The following LRRC20 variants were observed in gnomAD, a reference collection of about 807,000 sequenced individuals.
LRRC20 encodes leucine rich repeat containing 20, also known as leucine-rich repeat-containing protein 20.
In LRRC20, 11 loss-of-function variants were observed where a neutral mutation model predicts 14.4. That is an observed-to-expected ratio of 0.77 (90% CI 0.48 to 1.27). The LOEUF is 1.27. Among genes scored for constraint, LRRC20 ranks in the 50% most tolerant of loss-of-function variants. The pLI, the probability that LRRC20 is intolerant of heterozygous loss-of-function variation, is 0.00. For missense variants in LRRC20, 219 were observed against 251.2 expected, an observed-to-expected ratio of 0.87 and a Z score of 0.87; for synonymous variants, 121 against 107.3, an observed-to-expected ratio of 1.13 and a Z score of -0.79.
chr10:70,326,375 C>T (rs554906336), intron 3 of LRRC20, among the ~76,000 whole-genome samples: 1 of 152,146 alleles, frequency 6.6e-6, no homozygotes, highest in African/African-American at 2.4e-5. Flanking sequence ...TGCCCTGCTC[C>T]AGCACACTGG....
chr10:70,319,637 C>T (rs1240053851), intron 4 of LRRC20, among the ~76,000 whole-genome samples: 1 of 152,204 alleles, frequency 6.6e-6, no homozygotes, highest in Non-Finnish European at 1.5e-5. Flanking sequence ...CTGTAAGCAA[C>T]TTGAGGTTGA....
intron 4 of LRRC20, among the ~76,000 whole-genome samples, chr10:70,313,335 A>C (rs147445794): frequency 6.6e-6 from 1 of 152,270 alleles, no homozygotes; most frequent in Non-Finnish European, 1.5e-5. Flanking sequence ...GAGCCTCAGG[A>C]AAGAATGACA....
intron 2 of LRRC20, among the ~76,000 whole-genome samples, chr10:70,359,958 C>G (rs567803503): frequency 2.0e-5 from 3 of 150,902 alleles, no homozygotes; most frequent in African/African-American, 7.3e-5. Context: ...CCTCTGTTGC[C>G]CAGGCTGGAG....
intron 2 of LRRC20, among the ~76,000 whole-genome samples, chr10:70,361,906 G>T (rs1019927889): frequency 2.0e-5 from 3 of 152,212 alleles, no homozygotes; most frequent in Non-Finnish European, 4.4e-5. Context: ...TTAAATTCAG[G>T]CCGGGCATGG....
At chr10:70,338,929 G>A (rs181997370) in intron 3 of LRRC20, among the ~76,000 whole-genome samples, 27 of 152,324 alleles carry the variant, frequency 1.8e-4, no homozygotes, top group Admixed American at 1.8e-3. Context: ...CCAAAGTGCT[G>A]GGATTACAGG....
intron 2 of LRRC20, among the ~76,000 whole-genome samples, chr10:70,367,815 T>A (rs919335859): frequency 1.3e-5 from 2 of 151,532 alleles, no homozygotes; most frequent in Admixed American, 6.6e-5. Flanking sequence ...AGGGTAAATT[T>A]TATATATATA....
At chr10:70,304,468 C>CTT (rs1228824221) in intron 4 of LRRC20, among the ~76,000 whole-genome samples, 2 of 52,992 alleles carry the variant, frequency 3.8e-5, no homozygotes, top group South Asian at 1.6e-3. Context: ...CAGGCCACTT[C>CTT]TTTATATATA....
At chr10:70,347,818 C>CA (rs35277085) in intron 2 of LRRC20, among the ~76,000 whole-genome samples, 61,593 of 127,556 alleles carry the variant, frequency 0.48, 15,360 homozygotes, top group Admixed American at 0.59. Flanking sequence ...GACTCCGTCT[C>CA]AAAAAAAAAA....
intron 2 of LRRC20, among the ~76,000 whole-genome samples, chr10:70,354,568 C>T (rs1220724151): frequency 6.6e-6 from 1 of 152,180 alleles, no homozygotes; most frequent in Non-Finnish European, 1.5e-5. Flanking sequence ...TGTGTTTTAG[C>T]TGAAGCATCA....
chr10:70,373,397 G>A (rs1324614194), intron 2 of LRRC20, among the ~76,000 whole-genome samples: 1 of 152,140 alleles, frequency 6.6e-6, no homozygotes, highest in African/African-American at 2.4e-5. Context: ...TGGTGGGCTG[G>A]TCTCAGGTCC....
intron 4 of LRRC20, among the ~76,000 whole-genome samples, chr10:70,317,454 C>T (rs1369353025): frequency 6.6e-6 from 1 of 152,018 alleles, no homozygotes; most frequent in African/African-American, 2.4e-5. Context: ...TCATTGCAGC[C>T]TTGAACTCCT....
intron 4 of LRRC20, among the ~76,000 whole-genome samples, chr10:70,318,258 C>T (rs924045706): frequency 1.3e-5 from 2 of 152,204 alleles, no homozygotes; most frequent in African/African-American, 4.8e-5. Context: ...CTGCTTCCCC[C>T]TCCCAAGAGT....
intron 2 of LRRC20, among the ~76,000 whole-genome samples, chr10:70,353,500 C>T (rs1414433417): frequency 6.6e-6 from 1 of 151,878 alleles, no homozygotes; most frequent in African/African-American, 2.4e-5. Context: ...TCACTGCAAC[C>T]TCCGCCTCCT....
chr10:70,341,022 C>CTT (rs1842896788), intron 2 of LRRC20, among the ~76,000 whole-genome samples: 3 of 152,234 alleles, frequency 2.0e-5, no homozygotes, highest in Admixed American at 6.5e-5. Flanking sequence ...CTTTGAGATC[C>CTT]TGCAGAATCC....
intron 4 of LRRC20, among the ~76,000 whole-genome samples, 156 bp from the exon 5 acceptor site, chr10:70,301,664 A>G (rs4746997): frequency 0.99 from 150,529 of 152,336 alleles, 74,397 homozygotes; most frequent in East Asian, 1. Context: ...AGCCCTGTGC[A>G]AAGGGCCATC....
chr10:70,331,486 T>C (rs1842533917), intron 3 of LRRC20, among the ~76,000 whole-genome samples: 2 of 152,188 alleles, frequency 1.3e-5, no homozygotes, highest in African/African-American at 4.8e-5. Flanking sequence ...AGCCACGGGA[T>C]CGGCCAGTGT....
intron 2 of LRRC20, among the ~76,000 whole-genome samples, chr10:70,358,113 GA>G (rs1483929929): frequency 6.6e-6 from 1 of 152,218 alleles, no homozygotes; most frequent in African/African-American, 2.4e-5. Flanking sequence ...AGAAAGTCCA[GA>G]AACCCGGATC....
intron 2 of LRRC20, among the ~76,000 whole-genome samples, chr10:70,361,660 G>A (rs1171342466): frequency 2.0e-5 from 3 of 152,186 alleles, no homozygotes; most frequent in African/African-American, 7.2e-5. Flanking sequence ...CACAGCAAGT[G>A]CACAACTTGA....
Position 70,301,012 on chromosome 10 carries a change from C to A in LRRC20, c.*342G>T. 9.4e-7 allele frequency: 1 copy of A among 1,065,124 alleles called. No homozygotes were observed. The highest frequency in any genetic ancestry group is 1.1e-6 in the Non-Finnish European group (1 of 881,876). 66.0% of individuals were successfully genotyped at this position (1,065,124 alleles called of 1,614,324 possible). A position where few individuals can be genotyped will look rare whatever the true frequency, so the allele number is the denominator to read the frequency against. On this transcript the variant is annotated 3_prime_UTR_variant, in exon 5 of 5. Coordinates refer to ENST00000446961, the MANE Select transcript of LRRC20 (RefSeq NM_001278212.2). Reference sequence around the variant, plus strand: ...TGCTGATCTGGAGGTAACTTGGAGGCACGTACTGCTTAAAAACCTCCAGGG... The same window carrying A: ...TGCTGATCTGGAGGTAACTTGGAGGAACGTACTGCTTAAAAACCTCCAGGG...
Sources: gnomAD v4.1 joint callset for allele counts (sites outside exome capture counted in the v4.1 genomes callset) on GRCh38, gnomAD v4.1.1 for gene constraint, MANE v1.5 for transcripts, NCBI Gene and HGNC (gene_info 2026-07-23, HGNC 2026-07-21) for gene names.